The following SH3KBP1 variants were observed in gnomAD, a reference collection of about 807,000 sequenced individuals.
SH3KBP1 encodes SH3 domain-containing kinase-binding protein 1.
In SH3KBP1, 8 loss-of-function variants were observed where a neutral mutation model predicts 50.1. That is an observed-to-expected ratio of 0.16 (90% CI 0.09 to 0.29). The LOEUF (loss-of-function observed/expected upper bound fraction) is 0.29, where lower values mean the gene tolerates loss of function less well. Among genes scored for constraint, SH3KBP1 ranks in the 10% least tolerant of loss-of-function variants. The pLI is 1.00. For synonymous variants in SH3KBP1, 227 were observed against 218.6 expected, an observed-to-expected ratio of 1.04 and a Z score of -0.34; for missense variants, 377 against 535.2, an observed-to-expected ratio of 0.70 and a Z score of 2.92.
intron 2 of SH3KBP1, among the ~76,000 whole-genome samples, chrX:19,753,779 C>A (rs1239683294): frequency 8.9e-6 from 1 of 111,799 alleles, no homozygotes; most frequent in Non-Finnish European, 1.9e-5. Flanking sequence ...TTCATTAGAA[C>A]TGTAAAGAAG....
intron 15 of SH3KBP1, 34 bp from the exon 16 acceptor site, chrX:19,542,227 CG>C: frequency 5.3e-6 from 6 of 1,135,396 alleles, no homozygotes; most frequent in Non-Finnish European, 7.0e-6. Flanking sequence ...GGTTCAGGGC[CG>C]GGGATTTGTG....
At chrX:19,758,702 G>C (rs1253985740) in intron 2 of SH3KBP1, among the ~76,000 whole-genome samples, 1 of 111,343 alleles carries the variant, frequency 9.0e-6, no homozygotes, top group Non-Finnish European at 1.9e-5. Flanking sequence ...CTTGCTCTTG[G>C]AGGAGAAAAA....
intron 13 of SH3KBP1, among the ~76,000 whole-genome samples, chrX:19,551,960 C>T (rs1365274116): frequency 9.0e-6 from 1 of 111,433 alleles, no homozygotes; most frequent in Non-Finnish European, 1.9e-5. Context: ...AAACAAAACA[C>T]GAAATTGTAA....
chrX:19,718,636 G>T (rs935163786), intron 3 of SH3KBP1, among the ~76,000 whole-genome samples: 2 of 112,140 alleles, frequency 1.8e-5, no homozygotes, highest in African/African-American at 6.5e-5. Flanking sequence ...ATCACACTTT[G>T]ATTACATTAA....
chrX:19,628,475 AG>A (rs1339632935), intron 8 of SH3KBP1, among the ~76,000 whole-genome samples: 2 of 111,591 alleles, frequency 1.8e-5, no homozygotes, highest in Non-Finnish European at 3.8e-5. Flanking sequence ...AGACACAGCC[AG>A]GAACAGTGGA....
chrX:19,866,071 G>A (rs993223938), intron 1 of SH3KBP1, among the ~76,000 whole-genome samples: 2 of 111,763 alleles, frequency 1.8e-5, no homozygotes, highest in African/African-American at 3.3e-5. Context: ...AAAACATCCC[G>A]CATTGCAGGG....
intron 1 of SH3KBP1, among the ~76,000 whole-genome samples, chrX:19,851,311 G>GA (rs1243407798): frequency 2.7e-5 from 3 of 110,853 alleles, no homozygotes; most frequent in East Asian, 5.6e-4. Context: ...ATTCACTGGG[G>GA]AAAAAAAAGA....
At chrX:19,593,906 C>T (rs1053269453) in intron 10 of SH3KBP1, among the ~76,000 whole-genome samples, 2 of 111,887 alleles carry the variant, frequency 1.8e-5, no homozygotes, top group African/African-American at 6.5e-5. Flanking sequence ...TGAAACTGCT[C>T]AATGCAAACA....
chrX:19,678,551 G>T (rs987012176), intron 6 of SH3KBP1, among the ~76,000 whole-genome samples: 24 of 111,011 alleles, frequency 2.2e-4, no homozygotes, highest in African/African-American at 7.2e-4. Flanking sequence ...TATGACTAAG[G>T]TGATAGGGCT....
chrX:19,584,267 ATT>A (rs1230583130), intron 12 of SH3KBP1, among the ~76,000 whole-genome samples: 1 of 75,757 alleles, frequency 1.3e-5, no homozygotes, highest in Non-Finnish European at 2.2e-5. Context: ...CAAAATACAT[ATT>A]TATATATATA....
chrX:19,552,611 C>T (rs1052642000), intron 13 of SH3KBP1, among the ~76,000 whole-genome samples: 6 of 110,635 alleles, frequency 5.4e-5, no homozygotes, highest in Non-Finnish European at 1.1e-4. Flanking sequence ...AAAACAAGCT[C>T]AGGAGCAAAA....
intron 1 of SH3KBP1, among the ~76,000 whole-genome samples, chrX:19,841,919 TG>T (rs59096975): frequency 4.0e-3 from 34 of 8,561 alleles, no homozygotes; most frequent in East Asian, 0.018. Context: ...GGCGGGGGGG[TG>T]GGGGGGGGCT....
At chrX:19,614,056 C>T (rs1024785633) in intron 8 of SH3KBP1, among the ~76,000 whole-genome samples, 1 of 113,004 alleles carries the variant, frequency 8.8e-6, no homozygotes, top group African/African-American at 3.2e-5. Context: ...TGCGACCCAG[C>T]GCCATCCTCG....
intron 6 of SH3KBP1, among the ~76,000 whole-genome samples, chrX:19,662,135 G>A (rs2062475741): frequency 9.0e-6 from 1 of 111,267 alleles, no homozygotes; most frequent in Non-Finnish European, 1.9e-5. Context: ...GATGTAAAAT[G>A]AGTCATGACG....
intron 8 of SH3KBP1, among the ~76,000 whole-genome samples, chrX:19,614,497 A>G (rs2067543330): frequency 8.9e-6 from 1 of 112,013 alleles, no homozygotes. Context: ...CTGTCTGCAC[A>G]TTTAGAATCA....
intron 11 of SH3KBP1, among the ~76,000 whole-genome samples, 183 bp downstream of exon 11, chrX:19,591,884 G>A (rs889180235): frequency 1.8e-5 from 2 of 112,251 alleles, no homozygotes; most frequent in Admixed American, 9.4e-5. Flanking sequence ...GTGGTCCCAC[G>A]AAGTACCACA....
At chrX:19,867,287 G>C (rs2068936457) in intron 1 of SH3KBP1, among the ~76,000 whole-genome samples, 1 of 111,090 alleles carries the variant, frequency 9.0e-6, no homozygotes, top group African/African-American at 3.3e-5. Context: ...CTTCTCCTGT[G>C]CTTCAGGAAG....
At chrX:19,552,115 C>T (rs1021383982) in intron 13 of SH3KBP1, among the ~76,000 whole-genome samples, 3 of 112,047 alleles carry the variant, frequency 2.7e-5, no homozygotes, top group African/African-American at 6.5e-5. Context: ...TTCCCTTAAC[C>T]GGATATGCCA....
At chrX:19,553,399 C>T (rs1206062273) in intron 13 of SH3KBP1, among the ~76,000 whole-genome samples, 7 of 111,226 alleles carry the variant, frequency 6.3e-5, no homozygotes, top group Non-Finnish European at 1.3e-4. Context: ...TTAAAACAAC[C>T]CAGAAGTGTG....
Sources: gnomAD v4.1 joint callset for allele counts (sites outside exome capture counted in the v4.1 genomes callset) on GRCh38, gnomAD v4.1.1 for gene constraint, MANE v1.5 for transcripts, NCBI Gene and HGNC (gene_info 2026-07-23, HGNC 2026-07-21) for gene names.